The following DLG2 variants were observed in gnomAD, a reference collection of about 807,000 sequenced individuals.
The protein encoded by DLG2 is disks large homolog 2.
A neutral mutation model predicts 132.5 loss-of-function variants in DLG2; 45 were observed. The ratio of observed to expected loss-of-function variants is 0.34; its 90% CI spans 0.27 to 0.44. The LOEUF (loss-of-function observed/expected upper bound fraction) is 0.44, where lower values mean the gene tolerates loss of function less well. DLG2 is among the 20% of genes least tolerant of loss of function. DLG2 has a pLI of 1.00. For synonymous variants in DLG2, 424 were observed against 419.6 expected (o/e 1.01, Z -0.13); for missense variants, 1,045 against 1,196.9 (o/e 0.87, Z 1.87).
chr11:85,164,823 A>G (rs1308127154), intron 4 of DLG2, among the ~76,000 whole-genome samples: 4 of 152,182 alleles, frequency 2.6e-5, no homozygotes, highest in Non-Finnish European at 5.9e-5. Flanking sequence ...AACAGAACCT[A>G]TTTCTGCCTG....
intron 6 of DLG2, among the ~76,000 whole-genome samples, chr11:84,559,869 G>T (rs2099420592): frequency 1.3e-5 from 2 of 152,028 alleles, no homozygotes; most frequent in South Asian, 4.1e-4. Context: ...TAGTTACTGA[G>T]TGACTATGAG....
intron 8 of DLG2, among the ~76,000 whole-genome samples, chr11:84,233,865 A>G (rs2097126254): frequency 6.6e-6 from 1 of 152,194 alleles, no homozygotes; most frequent in Non-Finnish European, 1.5e-5. Context: ...AGTAAATCTC[A>G]GTTGTTACTC....
chr11:84,117,063 T>A (rs2093668070), intron 9 of DLG2, among the ~76,000 whole-genome samples: 1 of 152,206 alleles, frequency 6.6e-6, no homozygotes, highest in Admixed American at 6.5e-5. Context: ...CCTCACCTCT[T>A]ATTCTATTCT....
chr11:84,879,063 C>A (rs988782400), intron 6 of DLG2, among the ~76,000 whole-genome samples: 1 of 152,036 alleles, frequency 6.6e-6, no homozygotes, highest in African/African-American at 2.4e-5. Context: ...GAATGAGTCC[C>A]CCACTAAACT....
At chr11:84,933,156 T>C (rs1310090780) in intron 6 of DLG2, among the ~76,000 whole-genome samples, 1 of 152,202 alleles carries the variant, frequency 6.6e-6, no homozygotes, top group Non-Finnish European at 1.5e-5. Flanking sequence ...ATAAATGTTT[T>C]TGTCAGCTTT....
intron 6 of DLG2, among the ~76,000 whole-genome samples, chr11:84,731,001 G>T (rs1235634735): frequency 6.6e-6 from 1 of 151,988 alleles, no homozygotes; most frequent in Non-Finnish European, 1.5e-5. Context: ...CAAATTTTAA[G>T]TACAGCCCAC....
intron 15 of DLG2, among the ~76,000 whole-genome samples, chr11:83,912,767 G>T (rs2076289118): frequency 6.6e-6 from 1 of 151,872 alleles, no homozygotes; most frequent in African/African-American, 2.4e-5. Flanking sequence ...CTTTCTTTTT[G>T]CCCCAGGCCA....
intron 18 of DLG2, among the ~76,000 whole-genome samples, chr11:83,751,614 T>C (rs184344168): frequency 6.6e-6 from 1 of 152,266 alleles, no homozygotes; most frequent in Non-Finnish European, 1.5e-5. Flanking sequence ...GTGTAGCTGA[T>C]CAAATTTGCT....
At chr11:85,518,589 C>T (rs777678224) in intron 3 of DLG2, among the ~76,000 whole-genome samples, 5 of 152,140 alleles carry the variant, frequency 3.3e-5, no homozygotes, top group Non-Finnish European at 7.4e-5. Context: ...GGAAAATTTG[C>T]AGCCTGACAA....
intron 21 of DLG2, 143 bp from the exon 22 acceptor site, chr11:83,484,371 T>A: frequency 1.6e-6 from 1 of 614,864 alleles, no homozygotes; most frequent in Non-Finnish European, 2.8e-6. Context: ...CAGAGAGTTC[T>A]AAAGGTCGAT....
chr11:83,512,013 T>C (rs974389533), intron 21 of DLG2, among the ~76,000 whole-genome samples: 2 of 152,162 alleles, frequency 1.3e-5, no homozygotes, highest in African/African-American at 2.4e-5. Context: ...ATAATTGCTA[T>C]GTTGGAAATT....
chr11:83,844,256 TG>T (rs1430656806), intron 16 of DLG2, among the ~76,000 whole-genome samples: 1 of 151,658 alleles, frequency 6.6e-6, no homozygotes, highest in African/African-American at 2.4e-5. Flanking sequence ...AAAAAGGGCC[TG>T]GGGGCCAGGC....
chr11:85,468,877 T>G (rs774487110), intron 3 of DLG2, among the ~76,000 whole-genome samples: 4 of 152,280 alleles, frequency 2.6e-5, no homozygotes, highest in Middle Eastern at 3.4e-3. Context: ...AAGTTGGTCT[T>G]CAACTTGTGG....
chr11:84,484,695 G>T (rs1024383978), intron 7 of DLG2, among the ~76,000 whole-genome samples: 1 of 152,146 alleles, frequency 6.6e-6, no homozygotes, highest in African/African-American at 2.4e-5. Flanking sequence ...GGCAAATTAA[G>T]AGTTTTTGAA....
chr11:85,366,728 G>C (rs965515009), intron 3 of DLG2, among the ~76,000 whole-genome samples: 1 of 152,080 alleles, frequency 6.6e-6, no homozygotes, highest in African/African-American at 2.4e-5. Context: ...TATACATTTT[G>C]ATGTATATAT....
At chr11:84,258,286 G>C (rs1258480033) in intron 7 of DLG2, among the ~76,000 whole-genome samples, 1 of 152,092 alleles carries the variant, frequency 6.6e-6, no homozygotes, top group Non-Finnish European at 1.5e-5. Flanking sequence ...AAAATAGGAA[G>C]AACAAATATA....
chr11:84,552,518 C>A (rs1445902631), intron 6 of DLG2, among the ~76,000 whole-genome samples: 1 of 151,988 alleles, frequency 6.6e-6, no homozygotes, highest in East Asian at 1.9e-4. Context: ...TTATTCACTG[C>A]CTCCATCAGT....
intron 6 of DLG2, among the ~76,000 whole-genome samples, chr11:85,057,554 A>T (rs925389323): frequency 5.3e-5 from 8 of 151,682 alleles, no homozygotes; most frequent in Admixed American, 5.3e-4. Context: ...AAGCCCAAAG[A>T]CTTCAGAGGT....
At chr11:83,718,214 G>A (rs1040212356) in intron 18 of DLG2, among the ~76,000 whole-genome samples, 1 of 152,122 alleles carries the variant, frequency 6.6e-6, no homozygotes, top group Non-Finnish European at 1.5e-5. Context: ...CTCAGAGCAG[G>A]ACTTAAAACT....
Sources: allele counts gnomAD v4.1 joint callset (sites outside exome capture counted in the v4.1 genomes callset), GRCh38; gene constraint gnomAD v4.1.1; transcripts MANE v1.5; gene names NCBI Gene and HGNC (gene_info 2026-07-23, HGNC 2026-07-21).